Variants in HNRNPU observed in about 807,000 individuals in gnomAD.
HNRNPU encodes HNRNPU antisense RNA 1.
In HNRNPU, 5 loss-of-function variants were observed where a neutral mutation model predicts 94.7. The observed-to-expected ratio is 0.05, with a 90% CI of 0.03 to 0.11. The LOEUF (loss-of-function observed/expected upper bound fraction) is 0.11. HNRNPU is among the 10% of genes least tolerant of loss of function. The pLI is 1.00. For synonymous variants in HNRNPU, 434 were observed against 381.6 expected (o/e 1.14, Z -1.60); for missense variants, 710 against 1,049.2 (o/e 0.68, Z 4.47).
At chr1:244,862,177 C>A in intron 3 of HNRNPU, 1 of 331,294 alleles carries the variant, frequency 3.0e-6, no homozygotes, top group African/African-American at 2.1e-5. Flanking sequence ...TACAAGTTTC[C>A]GTTAGCTAGT....
chr1:244,859,132 T>C (rs899701262), intron 5 of HNRNPU, 143 bp downstream of exon 5: 13 of 589,110 alleles, frequency 2.2e-5, no homozygotes, highest in Non-Finnish European at 3.3e-5. Context: ...CTGTGCCTAC[T>C]ATGTGCTAAT....
rs1398835140 is a variant in HNRNPU, at chr1:244,853,072, T to C, written c.*1378A>G. 6.6e-6 allele frequency: 1 copy of C among 152,580 alleles called. No individual in the cohort carries two copies. Among genetic ancestry groups the C allele is most frequent in the Non-Finnish European group, 1.5e-5 (1 of 68,010 alleles). The allele number at this position is 152,580 out of a possible 1,614,324, so 9.5% of individuals were successfully genotyped here. On this transcript the variant is annotated 3_prime_UTR_variant, in exon 14 of 14. Coordinates refer to ENST00000640218, the MANE Select transcript of HNRNPU (RefSeq NM_031844.3). Reference sequence around the variant, plus strand: ...CAGAGTTTCATGTATCATATATATGTATATAAAATAATCAGTTGAGGACAG... The same window carrying C: ...CAGAGTTTCATGTATCATATATATGCATATAAAATAATCAGTTGAGGACAG...
At position 244,864,047 on chromosome 1, in the gene HNRNPU, C is replaced by A; in HGVS notation, c.261G>T (p.Glu87Asp). ...EAAAGGDEEE[E>D]EEEEEEEGIS... is the part of the protein sequence containing the mutation. ...TTCCTTCCTCCTCCTCTTCCTCTTC[C>A]TCCTCCTCTTCATCGCCGCCGGCCG... Residue 87 changes from glutamate (E) to aspartate (D), a missense_variant, in exon 1 of 14, where the codon GAG becomes GAT. By Grantham distance (45) the Glu-to-Asp change is conservative. This residue lies in a region of HNRNPU where 292 missense variants were observed against 293.4 expected (regional missense o/e 1.00). Coordinates refer to ENST00000640218, the MANE Select transcript of HNRNPU (RefSeq NM_031844.3). 6.2e-7 allele frequency: 1 copy of A among 1,608,662 alleles called. No individual in the cohort carries two copies. Among genetic ancestry groups the A allele is most frequent in the Non-Finnish European group, 8.5e-7 (1 of 1,177,686 alleles).
intron 1 of HNRNPU, among the ~76,000 whole-genome samples, chr1:244,863,352 C>A (rs1205536175): frequency 2.0e-5 from 3 of 150,670 alleles, no homozygotes; most frequent in South Asian, 2.1e-4. Flanking sequence ...AGCTGCAGCT[C>A]CCCCCGGCTC....
Position 244,864,412 on chromosome 1 carries a change from G to A in HNRNPU, c.-105C>T, listed in dbSNP as rs1228647154. 3.5e-5 allele frequency: 55 copies of A among 1,555,950 alleles called. No individual in the cohort carries two copies. The highest frequency in any genetic ancestry group is 4.2e-5 in the Non-Finnish European group (49 of 1,154,018). ...CTGCTCCTCGGCCCGGGCGGCGGCT[G>A]CGGCTGCGGCTGGAGATGGGTTCGT... On this transcript the variant is annotated 5_prime_UTR_variant, in exon 1 of 14. Coordinates refer to ENST00000640218, the MANE Select transcript of HNRNPU (RefSeq NM_031844.3).
chr1:244,863,722 C>A lies in HNRNPU; in HGVS notation c.586G>T (p.Val196Leu). Residue 196 changes from valine (V) to leucine (L), a missense_variant, in exon 1 of 14, where the codon GTG becomes TTG. By Grantham distance (32) the Val-to-Leu change is conservative. Coordinates refer to ENST00000640218, the MANE Select transcript of HNRNPU (RefSeq NM_031844.3). ...CTCGCCCCGGGCGGCGCCACCGTCA[C>A]CGCGAACAGCGAGGTGGGGCCGCTG... ...KSSGPTSLFAVTVAPPGARQG... is the reference protein window; with the variant it reads ...KSSGPTSLFALTVAPPGARQG... The A allele has an allele frequency of 6.4e-7, 1 of 1,567,914 alleles. No homozygotes were observed.
intron 1 of HNRNPU, among the ~76,000 whole-genome samples, 179 bp downstream of exon 1, chr1:244,863,438 A>T (rs981789365): frequency 6.9e-6 from 1 of 144,382 alleles, no homozygotes; most frequent in Admixed American, 6.8e-5. Flanking sequence ...GCGCACACAC[A>T]CGCCCCGAGC....
intron 5 of HNRNPU, 107 bp from the exon 6 acceptor site, chr1:244,858,948 A>T: frequency 1.6e-6 from 1 of 629,238 alleles, no homozygotes; most frequent in Non-Finnish European, 2.8e-6. Flanking sequence ...CATATAACCT[A>T]ATCACCTGTC....
intron 6 of HNRNPU, chr1:244,858,514 A>G (rs1573332193): frequency 1.6e-6 from 1 of 606,554 alleles, no homozygotes; most frequent in East Asian, 2.8e-5. Flanking sequence ...GGTCAATTTC[A>G]TGTTCACTGT....
chr1:244,858,006 C>T lies in HNRNPU; in HGVS notation c.1494+5G>A. ...GCCACAGTTAAAAAAAAAAAAATCC[C>T]TTACTTCACAATCTTTCTTCTCTTC... On this transcript the variant is annotated splice_donor_5th_base_variant and intron_variant, in intron 7 of 13. Coordinates refer to ENST00000640218, the MANE Select transcript of HNRNPU (RefSeq NM_031844.3). 6.3e-7 allele frequency: 1 copy of T among 1,575,582 alleles called. No individual in the cohort carries two copies. The highest frequency in any genetic ancestry group is 8.6e-7 in the Non-Finnish European group (1 of 1,166,428).
chr1:244,855,826 C>G, intron 11 of HNRNPU, 78 bp downstream of exon 11: 1 of 1,528,488 alleles, frequency 6.5e-7, no homozygotes, highest in Non-Finnish European at 8.9e-7. Context: ...GAGGAAGAAA[C>G]TTCAGCTACA....
intron 13 of HNRNPU, chr1:244,854,721 T>C (rs1680633600): frequency 3.7e-6 from 2 of 540,350 alleles, no homozygotes; most frequent in East Asian, 2.9e-5. Context: ...GTTTACACAA[T>C]TAAAGCTAGC....
chr1:244,860,166 AGT>A, intron 4 of HNRNPU, 167 bp downstream of exon 4: 3 of 548,968 alleles, frequency 5.5e-6, no homozygotes, highest in Non-Finnish European at 9.6e-6. Context: ...CAGGTGTGGT[AGT>A]GTGTGCCTCT....
At chr1:244,855,100 T>C (rs926862630) in intron 12 of HNRNPU, 56 bp from the exon 13 acceptor site, 1 of 1,402,154 alleles carries the variant, frequency 7.1e-7, no homozygotes, top group African/African-American at 1.4e-5. Context: ...GTTAGGTTTG[T>C]GGGGGTGAGA....
intron 12 of HNRNPU, 112 bp from the exon 13 acceptor site, chr1:244,855,156 G>A (rs1194670419): frequency 7.1e-5 from 43 of 603,024 alleles, no homozygotes; most frequent in Non-Finnish European, 8.3e-5. Context: ...ATCTTAGGTA[G>A]CAAGCAATAC....
rs754530060 is a variant in HNRNPU, at chr1:244,858,218, G to A, written c.1287C>T (p.Gly429=). Residue 429 remains glycine (G), a synonymous_variant, in exon 7 of 14, where the codon GGC becomes GGT. Transcript: ENST00000640218. The part of the protein sequence containing the change: ...LSYAKNGQDL[G]VAFKISKEVL... ...CTTCCTTACTGATTTTGAAGGCAAC[G>A]CCAAGATCTTGTCCATTCTTAGCAT... The A allele has an allele frequency of 3.7e-6, 6 of 1,613,714 alleles. No homozygotes were observed. The highest frequency in any genetic ancestry group is 1.7e-5 in the Admixed American group (1 of 60,002).
Position 244,863,980 on chromosome 1 carries a change from T to A in HNRNPU, c.328A>T (p.Asn110Tyr). The change falls in exon 1 of 14, where the codon AAC becomes TAC. Residue 110 changes from asparagine (N) to tyrosine (Y), a missense_variant. Around this residue, in one of 8 missense-constraint regions of HNRNPU, gnomAD observed 292 missense variants for 293.4 expected, o/e 1.00. Coordinates refer to ENST00000640218, the MANE Select transcript of HNRNPU (RefSeq NM_031844.3). ...DGDQMELGEE[N>Y]GAAGAADSGP... is the part of the protein sequence containing the mutation. ...GAGTCGGCCGCCCCCGCGGCCCCGT[T>A]CTCCTCTCCTAGCTCCATCTGGTCG... The A allele has an allele frequency of 6.2e-7, 1 of 1,613,684 alleles. No individual in the cohort carries two copies. The highest frequency in any genetic ancestry group is 8.5e-7 in the Non-Finnish European group (1 of 1,179,892).
At chr1:244,862,563 G>A (rs776137009) in intron 2 of HNRNPU, 29 bp from the exon 3 acceptor site, 2 of 1,610,120 alleles carry the variant, frequency 1.2e-6, no homozygotes, top group East Asian at 4.5e-5. Context: ...TCCTGATACA[G>A]CTTTCCGATC....
rs1282063276 is a variant in HNRNPU at position 244,853,290 on chromosome 1, A to C, written c.*1160T>G. ...CCTAAATGTTCTATGCAGAGTAAAGAATAAGCTGTCCAGAAAGCACACACT... is the reference window on the plus strand; with the variant it reads ...CCTAAATGTTCTATGCAGAGTAAAGCATAAGCTGTCCAGAAAGCACACACT... On this transcript the variant is annotated 3_prime_UTR_variant, in exon 14 of 14. Coordinates refer to ENST00000640218, the MANE Select transcript of HNRNPU (RefSeq NM_031844.3). The C allele has an allele frequency of 6.6e-6, 1 of 152,586 alleles. No individual in the cohort carries two copies. The highest frequency in any genetic ancestry group is 2.4e-5 in the African/African-American group (1 of 41,450). 9.5% of individuals were successfully genotyped at this position (152,586 alleles called of 1,614,324 possible).
Sources: gnomAD v4.1 joint callset for allele counts (sites outside exome capture counted in the v4.1 genomes callset) on GRCh38, gnomAD v4.1.1 for gene constraint, gnomAD v4.1.1 regional missense constraint, MANE v1.5 for transcripts, NCBI Gene and HGNC (gene_info 2026-07-23, HGNC 2026-07-21) for gene names.